Variants in FYB1 observed in about 807,000 individuals in gnomAD.
FYB1 encodes the protein FYN-binding protein 1.
A neutral mutation model predicts 94.1 loss-of-function variants in FYB1; 41 were observed. The observed-to-expected ratio is 0.44, with a 90% confidence interval of 0.34 to 0.57. The LOEUF is 0.57. Among genes scored for constraint, FYB1 ranks in the 20% least tolerant of loss-of-function variants. The probability of loss-of-function intolerance (pLI) is 0.02; values close to 1 mark genes in which losing one functional copy is unlikely to be tolerated. For missense variants in FYB1, 1,050 were observed against 976.8 expected (o/e 1.07, Z -1.00); for synonymous variants, 367 against 353.2 (o/e 1.04, Z -0.44).
intron 7 of FYB1, among the ~76,000 whole-genome samples, chr5:39,136,401 T>TAATTTTTC (rs1457941898): frequency 6.6e-6 from 1 of 152,190 alleles, no homozygotes; most frequent in Non-Finnish European, 1.5e-5. Context: ...TAATTGAAAT[T>TAATTTTTC]AATTTTTCAC....
chr5:39,215,743 T>C (rs1318340127), intron 1 of FYB1, among the ~76,000 whole-genome samples: 2 of 152,102 alleles, frequency 1.3e-5, no homozygotes, highest in African/African-American at 4.8e-5. Flanking sequence ...TTAGCACGAG[T>C]GAATGGGATT....
chr5:39,138,830 T>A (rs768624419), intron 5 of FYB1, 139 bp from the exon 6 acceptor site: 4 of 682,932 alleles, frequency 5.9e-6, no homozygotes, highest in Admixed American at 2.1e-5. Context: ...TCCAGAGGAA[T>A]AACTACTTAA....
At chr5:39,132,733 T>C (rs996374561) in intron 9 of FYB1, among the ~76,000 whole-genome samples, 5 of 152,174 alleles carry the variant, frequency 3.3e-5, no homozygotes, top group African/African-American at 9.7e-5. Context: ...TGCACATCCA[T>C]GTAAATATGC....
At chr5:39,113,836 A>G (rs444556) in intron 16 of FYB1, among the ~76,000 whole-genome samples, 41,807 of 151,954 alleles carry the variant, frequency 0.28, 6,416 homozygotes, top group South Asian at 0.42. Flanking sequence ...TTTCAGTGGA[A>G]AATGCTCATA....
At chr5:39,190,970 G>C (rs980287973) in intron 2 of FYB1, among the ~76,000 whole-genome samples, 1 of 152,164 alleles carries the variant, frequency 6.6e-6, no homozygotes, top group Admixed American at 6.5e-5. Context: ...CAATTTCGAA[G>C]AGAAATAGGA....
intron 2 of FYB1, among the ~76,000 whole-genome samples, chr5:39,195,242 G>A (rs190321881): frequency 6.6e-5 from 10 of 152,242 alleles, no homozygotes; most frequent in Admixed American, 4.6e-4. Context: ...AGCACTTACC[G>A]CTACGTTTCT....
At chr5:39,244,696 A>T (rs1173856074) in intron 1 of FYB1, among the ~76,000 whole-genome samples, 1 of 152,058 alleles carries the variant, frequency 6.6e-6, no homozygotes, top group Middle Eastern at 3.2e-3. Flanking sequence ...TATTGATTGG[A>T]ATAGTTTCAG....
At chr5:39,183,517 A>G (rs1455422560) in intron 2 of FYB1, among the ~76,000 whole-genome samples, 1 of 152,174 alleles carries the variant, frequency 6.6e-6, no homozygotes, top group Non-Finnish European at 1.5e-5. Context: ...GCCAAATGCT[A>G]GCTCTAGTAT....
At chr5:39,154,888 G>A (rs962947780) in intron 2 of FYB1, among the ~76,000 whole-genome samples, 1 of 151,896 alleles carries the variant, frequency 6.6e-6, no homozygotes, top group Non-Finnish European at 1.5e-5. Context: ...CACCTCGCCC[G>A]GCCTCCTTTT....
rs1036748803 is a variant in FYB1, at chr5:39,189,722, C to T, written c.1135+12104G>A. Among the ~76,000 whole-genome samples, 7 of 152,186 alleles carry T rather than the reference C, an allele frequency of 4.6e-5. 1 individual carries two copies. The highest frequency in any genetic ancestry group is 2.6e-4 in the Admixed American group (4 of 15,280). ...CAAAATACCTGCTGTTTTTGAAGGA[C>T]GGAGACTGCCAATATTTTACTTTTC... On this transcript the variant is annotated intron_variant, in intron 2 of 18. Transcript: ENST00000512982.
intron 2 of FYB1, among the ~76,000 whole-genome samples, chr5:39,164,663 C>G (rs577010637): frequency 3.3e-5 from 5 of 152,164 alleles, no homozygotes; most frequent in Non-Finnish European, 7.4e-5. Context: ...GAACTACCTG[C>G]TTCAGTCTCC....
At chr5:39,257,416 ATT>A (rs11357799) in intron 1 of FYB1, among the ~76,000 whole-genome samples, 14,121 of 145,468 alleles carry the variant, frequency 0.097, 700 homozygotes, top group Non-Finnish European at 0.11. Flanking sequence ...GTCTTGCAGA[ATT>A]TTTTTTTTTT....
At chr5:39,245,270 T>C (rs1751420223) in intron 1 of FYB1, among the ~76,000 whole-genome samples, 1 of 152,214 alleles carries the variant, frequency 6.6e-6, no homozygotes, top group Non-Finnish European at 1.5e-5. Context: ...TCAAAATACC[T>C]ATAAATCTCT....
At chr5:39,200,963 T>C (rs1748259034) in intron 2 of FYB1, among the ~76,000 whole-genome samples, 1 of 152,164 alleles carries the variant, frequency 6.6e-6, no homozygotes, top group Non-Finnish European at 1.5e-5. Context: ...CAGTACCACA[T>C]CCAAGAGAAT....
intron 1 of FYB1, among the ~76,000 whole-genome samples, chr5:39,239,054 A>T (rs1751093716): frequency 6.6e-6 from 1 of 152,242 alleles, no homozygotes; most frequent in African/African-American, 2.4e-5. Flanking sequence ...AGAACTAAAA[A>T]CAAAACCACA....
In FYB1 at chr5:39,153,920, T is replaced by G. The variant is rs1743500460; in HGVS notation, c.1136-316A>C. 4.0e-5 allele frequency among the ~76,000 whole-genome samples: 6 copies of G among 151,864 alleles called. No individual in the cohort carries two copies. In the South Asian group the frequency reaches 1.2e-3, roughly 32 times the overall value. On this transcript the variant is annotated intron_variant, in intron 2 of 18. Coordinates refer to ENST00000512982, the MANE Select transcript of FYB1 (RefSeq NM_001465.6). ...TCCTGAGTAGCTGGGACTACACGCG[T>G]GCACCACAATGCCCATCTAAATTTT...
intron 4 of FYB1, among the ~76,000 whole-genome samples, chr5:39,140,350 A>G (rs1176615132): frequency 6.6e-6 from 1 of 152,248 alleles, no homozygotes; most frequent in Non-Finnish European, 1.5e-5. Flanking sequence ...TTACAGAAGA[A>G]GAAACCACAA....
At chr5:39,114,552 A>G (rs1739355665) in intron 16 of FYB1, among the ~76,000 whole-genome samples, 1 of 152,204 alleles carries the variant, frequency 6.6e-6, no homozygotes, top group Non-Finnish European at 1.5e-5. Flanking sequence ...CATTAGTTTC[A>G]CCATGGTGCT....
intron 2 of FYB1, among the ~76,000 whole-genome samples, chr5:39,200,717 A>T (rs1053486761): frequency 1.3e-5 from 2 of 152,218 alleles, no homozygotes; most frequent in African/African-American, 4.8e-5. Context: ...GAGAATACTG[A>T]ACTCAGGAAG....
Sources: gnomAD v4.1 joint callset for allele counts (sites outside exome capture counted in the v4.1 genomes callset) on GRCh38, gnomAD v4.1.1 for gene constraint, MANE v1.5 for transcripts, NCBI Gene and HGNC (gene_info 2026-07-23, HGNC 2026-07-21) for gene names.